PAPPA2: variants seen among roughly 807,000 people sequenced by gnomAD.
The protein encoded by PAPPA2 is pappalysin 2, also known as pappalysin-2.
In PAPPA2, 86 loss-of-function variants were observed where a neutral mutation model predicts 176.4. That is an observed-to-expected ratio of 0.49 (90% CI 0.41 to 0.58). The LOEUF (loss-of-function observed/expected upper bound fraction) is 0.58, where lower values mean the gene tolerates loss of function less well. Ranked by LOEUF, PAPPA2 falls within the 20% of genes least tolerant of loss-of-function variation. The pLI is 0.00. For missense variants in PAPPA2, 2,073 were observed against 2,256.9 expected (o/e 0.92, Z 1.65); for synonymous variants, 809 against 852.2 (o/e 0.95, Z 0.88).
At chr1:176,762,903 A>G (rs1663762634) in intron 14 of PAPPA2, among the ~76,000 whole-genome samples, 1 of 152,156 alleles carries the variant, frequency 6.6e-6, no homozygotes, top group African/African-American at 2.4e-5. Flanking sequence ...TTGTGAAAAC[A>G]TTTTCTTCAC....
At chr1:176,678,141 A>G (rs1306782198) in intron 4 of PAPPA2, among the ~76,000 whole-genome samples, 2 of 152,170 alleles carry the variant, frequency 1.3e-5, no homozygotes, top group Non-Finnish European at 2.9e-5. Flanking sequence ...GCACACACTT[A>G]GAAGTGGGTG....
chr1:176,666,585 GT>G (rs1157780799), intron 3 of PAPPA2, among the ~76,000 whole-genome samples: 3 of 149,266 alleles, frequency 2.0e-5, no homozygotes, highest in East Asian at 3.9e-4. Flanking sequence ...GTGTGTGTGT[GT>G]GTGTGTGTGT....
intron 1 of PAPPA2, among the ~76,000 whole-genome samples, chr1:176,540,638 C>A (rs978320701): frequency 6.6e-6 from 1 of 152,188 alleles, no homozygotes; most frequent in African/African-American, 2.4e-5. Context: ...GCCACAATGA[C>A]TTAACTTTCT....
intron 3 of PAPPA2, among the ~76,000 whole-genome samples, chr1:176,602,080 C>G (rs550313697): frequency 1.3e-5 from 2 of 152,306 alleles, no homozygotes; most frequent in African/African-American, 4.8e-5. Context: ...CATCTAGTGT[C>G]TGACCATGCT....
chr1:176,680,372 A>G (rs1394652281), intron 4 of PAPPA2, among the ~76,000 whole-genome samples: 1 of 152,104 alleles, frequency 6.6e-6, no homozygotes, highest in Admixed American at 6.5e-5. Context: ...ATTTTATACT[A>G]TTGTAACATA....
At chr1:176,548,612 A>G (rs1320771157) in intron 1 of PAPPA2, among the ~76,000 whole-genome samples, 2 of 151,968 alleles carry the variant, frequency 1.3e-5, no homozygotes, top group Non-Finnish European at 2.9e-5. Flanking sequence ...CATGAGTGAG[A>G]GCTCTGGAAA....
chr1:176,740,382 T>C (rs1313233892), intron 14 of PAPPA2, among the ~76,000 whole-genome samples, 186 bp downstream of exon 14: 1 of 152,210 alleles, frequency 6.6e-6, no homozygotes, highest in Non-Finnish European at 1.5e-5. Context: ...GGGTTTTATA[T>C]TTTGTTCTTC....
chr1:176,761,064 G>T (rs367803127), intron 14 of PAPPA2, among the ~76,000 whole-genome samples: 1 of 151,942 alleles, frequency 6.6e-6, no homozygotes, highest in Admixed American at 6.6e-5. Context: ...CTCGTGATCC[G>T]CCCGCCTCGG....
At chr1:176,465,299 G>A (rs1472843126) in intron 1 of PAPPA2, among the ~76,000 whole-genome samples, 1 of 152,178 alleles carries the variant, frequency 6.6e-6, no homozygotes, top group African/African-American at 2.4e-5. Context: ...AGTGTATGGA[G>A]AGGCATGACA....
chr1:176,586,797 G>A (rs923691331), intron 2 of PAPPA2, among the ~76,000 whole-genome samples: 1 of 151,990 alleles, frequency 6.6e-6, no homozygotes, highest in Non-Finnish European at 1.5e-5. Flanking sequence ...TATTTCTTTG[G>A]GTCTATATCC....
At chr1:176,545,160 G>A (rs904807352) in intron 1 of PAPPA2, among the ~76,000 whole-genome samples, 3 of 152,096 alleles carry the variant, frequency 2.0e-5, no homozygotes, top group Non-Finnish European at 4.4e-5. Context: ...CTAACCATAT[G>A]GCTGGTTTCC....
chr1:176,470,222 G>C (rs1651809176), intron 1 of PAPPA2, among the ~76,000 whole-genome samples: 2 of 152,220 alleles, frequency 1.3e-5, no homozygotes, highest in Admixed American at 1.3e-4. Flanking sequence ...CACAATCACA[G>C]AATTAAGCCA....
Position 176,702,704 on chromosome 1 carries a change from G to A in PAPPA2, c.3334G>A (p.Ala1112Thr). The A allele has an allele frequency of 1.9e-6, 3 of 1,608,590 alleles. No individual in the cohort carries two copies. The highest frequency in any genetic ancestry group is 1.7e-6 in the Non-Finnish European group (2 of 1,176,872). The change falls in exon 9 of 23, where the codon GCT becomes ACT. Residue 1112 changes from alanine to threonine, a missense_variant. By Grantham distance (58) the Ala-to-Thr change is moderately conservative. This residue lies in a region of PAPPA2 where 846 missense variants were observed against 857.9 expected (regional missense o/e 0.99). Transcript: ENST00000367662. Reference sequence around the variant, plus strand: ...GCCTCCTCTGAACCACATTCATGGAGCTCCTTATTGTGGAGATGGGAAGGT... The same window carrying A: ...GCCTCCTCTGAACCACATTCATGGAACTCCTTATTGTGGAGATGGGAAGGT... ...ASPPLNHIHG[A>T]PYCGDGKVSE... is the part of the protein sequence containing the mutation.
At chr1:176,769,944 C>G (rs1664149764) in intron 16 of PAPPA2, among the ~76,000 whole-genome samples, 160 bp downstream of exon 16, 5 of 152,188 alleles carry the variant, frequency 3.3e-5, no homozygotes, top group Admixed American at 3.3e-4. Context: ...GGCAACACCA[C>G]TCTTTGTCCC....
intron 2 of PAPPA2, among the ~76,000 whole-genome samples, chr1:176,567,560 T>C (rs568752539): frequency 6.6e-6 from 1 of 152,338 alleles, no homozygotes; most frequent in East Asian, 1.9e-4. Flanking sequence ...TCAATATTTA[T>C]TGAGCTTCTA....
chr1:176,587,632 CT>C (rs924946764), intron 2 of PAPPA2, among the ~76,000 whole-genome samples: 5 of 152,168 alleles, frequency 3.3e-5, no homozygotes, highest in African/African-American at 1.2e-4. Context: ...CTCTGTTCTA[CT>C]CCATTGGTCT....
chr1:176,640,150 T>C (rs907869702), intron 3 of PAPPA2, among the ~76,000 whole-genome samples: 4 of 150,946 alleles, frequency 2.6e-5, no homozygotes, highest in South Asian at 4.1e-4. Flanking sequence ...AAAAGTATAA[T>C]AATGAATTTT....
At position 176,556,175 on chromosome 1, in the gene PAPPA2, G is replaced by A; in HGVS notation, c.-148G>A. ...AGGTAGCCAGCAGAGGCATTCTTGGGGCTATTTGAAAAAGTTTGGTCTGTG... is the reference window on the plus strand; with the variant it reads ...AGGTAGCCAGCAGAGGCATTCTTGGAGCTATTTGAAAAAGTTTGGTCTGTG... On this transcript the variant is annotated 5_prime_UTR_variant, in exon 2 of 23. Transcript: ENST00000367662. 2.2e-6 allele frequency: 2 copies of A among 927,192 alleles called. No individual in the cohort carries two copies. Among genetic ancestry groups the A allele is most frequent in the East Asian group, 2.4e-5 (1 of 41,064 alleles). 57.4% of individuals were successfully genotyped at this position (927,192 alleles called of 1,614,324 possible). A position where few individuals can be genotyped will look rare whatever the true frequency, so the allele number is the denominator to read the frequency against.
At chr1:176,660,619 T>C (rs552289737) in intron 3 of PAPPA2, among the ~76,000 whole-genome samples, 1 of 152,248 alleles carries the variant, frequency 6.6e-6, no homozygotes, top group Non-Finnish European at 1.5e-5. Flanking sequence ...TCTGTAATTA[T>C]ACACATTTTC....
Sources: gnomAD v4.1 joint callset for allele counts (sites outside exome capture counted in the v4.1 genomes callset) on GRCh38, gnomAD v4.1.1 for gene constraint, gnomAD v4.1.1 regional missense constraint, MANE v1.5 for transcripts, NCBI Gene and HGNC (gene_info 2026-07-23, HGNC 2026-07-21) for gene names.